Variants in FLNB observed in about 807,000 individuals in gnomAD.
FLNB encodes the protein filamin-B.
Under a neutral mutation model 250.6 loss-of-function variants are expected in FLNB, and 111 were observed. The ratio of observed to expected loss-of-function variants is 0.44; its 90% CI spans 0.38 to 0.52. The LOEUF is 0.52. Among genes scored for constraint, FLNB ranks in the 20% least tolerant of loss-of-function variants. The pLI is 0.00. For synonymous variants in FLNB, 1,302 were observed against 1,372.1 expected (o/e 0.95, Z 1.13); for missense variants, 2,869 against 3,447.8 (o/e 0.83, Z 4.20).
Position 58,111,789 on chromosome 3 carries a change from A to G in FLNB, c.2485-2A>G, listed in dbSNP as rs1262161240. The stretch of plus-strand genomic sequence containing the variant: ...CCTACTAAGACTGTGTCTCTGCTAC[A>G]GGAAATCCCCGCCAGCCCTTTCAGA... On this transcript the variant is annotated splice_acceptor_variant, in intron 16 of 45. Coordinates refer to ENST00000295956, the MANE Select transcript of FLNB (RefSeq NM_001457.4). LOFTEE classifies it high-confidence loss of function. 6.2e-7 allele frequency: 1 copy of G among 1,613,234 alleles called. No individual in the cohort carries two copies. Among genetic ancestry groups the G allele is most frequent in the Admixed American group, 1.7e-5 (1 of 60,014 alleles).
At chr3:58,168,403 A>AT (rs1452699857) in intron 43 of FLNB, 37 bp from the exon 44 acceptor site, 1 of 1,540,532 alleles carries the variant, frequency 6.5e-7, no homozygotes, top group Non-Finnish European at 9.0e-7. Flanking sequence ...AAGCCCTCCA[A>AT]GTCATCAACA....
intron 42 of FLNB, among the ~76,000 whole-genome samples, chr3:58,161,047 G>A (rs2097360781): frequency 6.6e-6 from 1 of 152,216 alleles, no homozygotes; most frequent in Non-Finnish European, 1.5e-5. Flanking sequence ...CTAGTAGGCA[G>A]AAAGGCAGTG....
chr3:58,016,635 C>A (rs2097106188), intron 1 of FLNB, among the ~76,000 whole-genome samples: 1 of 151,984 alleles, frequency 6.6e-6, no homozygotes, highest in Admixed American at 6.6e-5. Context: ...CTTATGTCCC[C>A]TTGGGGTGGA....
chr3:58,017,044 G>A (rs963457369), intron 1 of FLNB, among the ~76,000 whole-genome samples: 1 of 152,110 alleles, frequency 6.6e-6, no homozygotes, highest in Non-Finnish European at 1.5e-5. Flanking sequence ...GTATTTTTAA[G>A]GTGCCTAACT....
At chr3:58,149,432 A>T in intron 36 of FLNB, 1 of 286,820 alleles carries the variant, frequency 3.5e-6, no homozygotes, top group South Asian at 3.8e-5. Flanking sequence ...CTCCCTGTTA[A>T]ACCTTCGGAT....
chr3:58,144,384 G>A (rs866132889), intron 32 of FLNB, among the ~76,000 whole-genome samples: 8 of 152,234 alleles, frequency 5.3e-5, no homozygotes, highest in Middle Eastern at 6.8e-3. Context: ...GAGCCGCCAC[G>A]CCTGGCCAAT....
rs570253111 is a variant in FLNB, at chr3:58,076,265, A to C, written c.293-781A>C. Reference sequence around the variant, plus strand: ...GGGAAAAGATATCTAGGACATAATGATTAATGAAAAGAAAAAAATTCCTAC... The same window carrying C: ...GGGAAAAGATATCTAGGACATAATGCTTAATGAAAAGAAAAAAATTCCTAC... On this transcript the variant is annotated intron_variant, in intron 1 of 45. Transcript: ENST00000295956. Among the ~76,000 whole-genome samples, 21 of 152,330 alleles carry C rather than the reference A, an allele frequency of 1.4e-4. No individual in the cohort carries two copies. The East Asian group carries it at 3.9e-3, about 28-fold the overall frequency.
chr3:58,127,137 A>T (rs2097299278), intron 24 of FLNB, among the ~76,000 whole-genome samples: 1 of 152,170 alleles, frequency 6.6e-6, no homozygotes, highest in African/African-American at 2.4e-5. Flanking sequence ...AGCCCAGGCA[A>T]CATGGGGAAT....
intron 36 of FLNB, chr3:58,149,293 C>T (rs139666548): frequency 5.3e-4 from 141 of 266,342 alleles, no homozygotes; most frequent in African/African-American, 2.8e-3. Context: ...GATTGTGTCT[C>T]TTCCAAGCTT....
chr3:58,152,656 T>G, intron 38 of FLNB: 1 of 825,970 alleles, frequency 1.2e-6, no homozygotes, highest in Non-Finnish European at 1.7e-6. Flanking sequence ...AACATTCAGT[T>G]CATTACATGG....
chr3:58,127,065 G>T (rs1256854313), intron 24 of FLNB, among the ~76,000 whole-genome samples: 1 of 152,200 alleles, frequency 6.6e-6, no homozygotes, highest in Non-Finnish European at 1.5e-5. Flanking sequence ...GCTCACACCT[G>T]TAATCCCCAA....
intron 28 of FLNB, 78 bp downstream of exon 28, chr3:58,136,246 T>C (rs569579284): frequency 1.4e-6 from 2 of 1,426,778 alleles, no homozygotes; most frequent in African/African-American, 2.8e-5. Context: ...CTCTGTGACT[T>C]ACAAGCTACA....
intron 11 of FLNB, among the ~76,000 whole-genome samples, chr3:58,106,310 C>A (rs2097259410): frequency 1.3e-5 from 2 of 149,112 alleles, no homozygotes; most frequent in South Asian, 4.2e-4. Flanking sequence ...GGTTGGACTT[C>A]CCCTGTTGGA....
intron 24 of FLNB, among the ~76,000 whole-genome samples, chr3:58,128,733 G>A (rs1379642517): frequency 6.6e-6 from 1 of 152,170 alleles, no homozygotes; most frequent in African/African-American, 2.4e-5. Flanking sequence ...AGGCTGGTGA[G>A]TGCCACCAGC....
At chr3:58,057,611 G>T (rs1489682901) in intron 1 of FLNB, among the ~76,000 whole-genome samples, 1 of 152,220 alleles carries the variant, frequency 6.6e-6, no homozygotes, top group African/African-American at 2.4e-5. Flanking sequence ...AGTGGATTTG[G>T]TGGGAGAGAG....
At position 58,112,246 on chromosome 3, in the gene FLNB, T is replaced by C. The variant is rs575077774; in HGVS notation, c.2673T>C (p.Asp891=). 1.9e-6 allele frequency: 3 copies of C among 1,613,986 alleles called. No individual in the cohort carries two copies. The highest frequency in any genetic ancestry group is 2.2e-5 in the East Asian group (1 of 44,882). The change falls in exon 18 of 46, where the codon GAT becomes GAC. Residue 891 remains aspartate (D), a synonymous_variant. Transcript: ENST00000295956. ...NVQFNSPLPG[D]AVKDLDIIDN... ...AGTTCAACAGCCCTCTTCCTGGCGA[T>C]GCAGTGAAGGATTTGGATATCATCG...
chr3:58,040,324 C>T (rs930950882), intron 1 of FLNB, among the ~76,000 whole-genome samples: 5 of 152,168 alleles, frequency 3.3e-5, no homozygotes, highest in African/African-American at 1.2e-4. Context: ...TTACCTTCTA[C>T]CCTCATGGAG....
chr3:58,009,673 G>A (rs1466335853), intron 1 of FLNB, among the ~76,000 whole-genome samples: 1 of 152,156 alleles, frequency 6.6e-6, no homozygotes, highest in Non-Finnish European at 1.5e-5. Context: ...AGATAAGGGG[G>A]TCCGGAGGGT....
intron 42 of FLNB, 122 bp downstream of exon 42, chr3:58,159,808 C>A: frequency 9.4e-7 from 1 of 1,064,260 alleles, no homozygotes; most frequent in Non-Finnish European, 1.4e-6. Context: ...TCTGAATTCC[C>A]TTTGCTGTTG....
Sources: gnomAD v4.1 joint callset for allele counts (sites outside exome capture counted in the v4.1 genomes callset) on GRCh38, gnomAD v4.1.1 for gene constraint, MANE v1.5 for transcripts, NCBI Gene and HGNC (gene_info 2026-07-23, HGNC 2026-07-21) for gene names.